The following TMED8 variants were observed in gnomAD, a reference collection of about 807,000 sequenced individuals.
TMED8 encodes the protein transmembrane p24 trafficking protein family member 8.
Under a neutral mutation model 32.7 loss-of-function variants are expected in TMED8, and 15 were observed. The observed-to-expected ratio is 0.46, with a 90% CI of 0.31 to 0.71. The LOEUF (loss-of-function observed/expected upper bound fraction) is 0.71. Among genes scored for constraint, TMED8 ranks in the 30% least tolerant of loss-of-function variants. The pLI is 0.06. For missense variants in TMED8, 390 were observed against 423.9 expected (o/e 0.92, Z 0.70); for synonymous variants, 147 against 161.4 (o/e 0.91, Z 0.68).
chr14:77,343,938 G>A (rs2139603530), intron 3 of TMED8, 115 bp from the exon 4 acceptor site: 2 of 1,073,458 alleles, frequency 1.9e-6, no homozygotes, highest in Non-Finnish European at 1.3e-6. Flanking sequence ...CCCACTCAAA[G>A]CTTAATGTAC....
At position 77,338,820 on chromosome 14, in the gene TMED8, A is replaced by G. The variant is rs1297130533; in HGVS notation, c.*2951T>C. The stretch of plus-strand genomic sequence containing the variant: ...TGTTTGCTGAAATTTTTTCACAATA[A>G]AACACTGGGGGAAAAGAAATCAATA... On this transcript the variant is annotated 3_prime_UTR_variant, in exon 6 of 6. Transcript: ENST00000216468. The G allele has an allele frequency of 6.6e-6, 1 of 152,250 alleles. No individual in the cohort carries two copies. The highest frequency in any genetic ancestry group is 1.5e-5 in the Non-Finnish European group (1 of 68,046). 9.4% of individuals were successfully genotyped at this position (152,250 alleles called of 1,614,324 possible).
chr14:77,362,543 G>A (rs1893462973), intron 1 of TMED8, among the ~76,000 whole-genome samples: 1 of 152,030 alleles, frequency 6.6e-6, no homozygotes. Context: ...AAATCACAAA[G>A]GAAAACAAGA....
At chr14:77,358,286 T>C (rs1566690095) in intron 1 of TMED8, among the ~76,000 whole-genome samples, 1 of 151,952 alleles carries the variant, frequency 6.6e-6, no homozygotes, top group Non-Finnish European at 1.5e-5. Context: ...CAAATACTTC[T>C]AATTCAGATT....
At chr14:77,362,363 C>T (rs559869485) in intron 1 of TMED8, among the ~76,000 whole-genome samples, 6 of 152,212 alleles carry the variant, frequency 3.9e-5, no homozygotes, top group East Asian at 1.9e-4. Context: ...GTCTTTATTA[C>T]GTTGAGTAAA....
intron 1 of TMED8, among the ~76,000 whole-genome samples, chr14:77,364,841 G>A (rs184494069): frequency 7.9e-5 from 12 of 152,188 alleles, no homozygotes; most frequent in Admixed American, 1.3e-4. Context: ...GTGGATATCC[G>A]AGTGTAACCA....
intron 1 of TMED8, among the ~76,000 whole-genome samples, chr14:77,372,952 ATTTTTTTTTTTT>A (rs1160815178): frequency 1.4e-4 from 2 of 14,316 alleles, no homozygotes; most frequent in Non-Finnish European, 2.2e-4. Flanking sequence ...ATATATATAT[ATTTTTTTTTTTT>A]TTTTTTTTTT....
chr14:77,367,587 T>C (rs191613968), intron 1 of TMED8, among the ~76,000 whole-genome samples: 3 of 152,340 alleles, frequency 2.0e-5, no homozygotes, highest in African/African-American at 4.8e-5. Flanking sequence ...AAGAATGTTT[T>C]CTTTTGGGTC....
chr14:77,351,411 ATTT>A (rs1181134385), intron 2 of TMED8, among the ~76,000 whole-genome samples: 38 of 102,120 alleles, frequency 3.7e-4, no homozygotes, highest in Admixed American at 1.2e-3. Flanking sequence ...CGCCCCGCTA[ATTT>A]TTTTTTTTTT....
chr14:77,359,755 T>C (rs1279667614), intron 1 of TMED8: 1 of 246,434 alleles, frequency 4.1e-6, no homozygotes, highest in Admixed American at 5.6e-5. Context: ...GATGTTTTGA[T>C]AAATGGAGTA....
intron 1 of TMED8, among the ~76,000 whole-genome samples, chr14:77,373,667 C>A (rs564371740): frequency 6.6e-6 from 1 of 152,284 alleles, no homozygotes; most frequent in East Asian, 1.9e-4. Flanking sequence ...CACCAAAAAA[C>A]CAAAACCCTT....
intron 1 of TMED8, among the ~76,000 whole-genome samples, chr14:77,365,006 C>T (rs72681278): frequency 0.018 from 2,720 of 152,262 alleles, 46 homozygotes; most frequent in Middle Eastern, 0.078. Context: ...AAATCAGTTG[C>T]CTTTTTTGTT....
intron 5 of TMED8, among the ~76,000 whole-genome samples, chr14:77,342,607 C>CG (rs1892932218): frequency 6.6e-6 from 1 of 152,136 alleles, no homozygotes; most frequent in Admixed American, 6.5e-5. Context: ...CCTACTCTTA[C>CG]GTTATCTGAA....
Position 77,337,973 on chromosome 14 carries a change from C to T in TMED8, c.*3798G>A, listed in dbSNP as rs1250515175. 3 of 152,318 alleles carry T rather than the reference C, an allele frequency of 2.0e-5. No individual in the cohort carries two copies. Among genetic ancestry groups the T allele is most frequent in the Non-Finnish European group, 4.4e-5 (3 of 68,034 alleles). The allele number at this position is 152,318 out of a possible 1,614,324, so 9.4% of individuals were successfully genotyped here. On this transcript the variant is annotated 3_prime_UTR_variant, in exon 6 of 6. Coordinates refer to ENST00000216468, the MANE Select transcript of TMED8 (RefSeq NM_213601.3). ...CCCAACCGGCTGAATGGACCCCTGT[C>T]TTGGCCCAGGGGATCTCAAAGGAAC... is the stretch of plus-strand genomic sequence containing the variant.
In TMED8 at chr14:77,336,896, C is replaced by T. The variant is rs2139594302; in HGVS notation, c.*4875G>A. ...TTTAGAGTCTGGGTTTCAACTAATT[C>T]TCTCAAAGAGGGACTGAGCAGGACT... On this transcript the variant is annotated 3_prime_UTR_variant, in exon 6 of 6. Transcript: ENST00000216468. 6.6e-6 allele frequency: 1 copy of T among 152,304 alleles called. No individual in the cohort carries two copies. The highest frequency in any genetic ancestry group is 1.5e-5 in the Non-Finnish European group (1 of 68,024). 9.4% of individuals were successfully genotyped at this position (152,304 alleles called of 1,614,324 possible).
chr14:77,362,347 T>C (rs1202676298), intron 1 of TMED8, among the ~76,000 whole-genome samples: 1 of 152,206 alleles, frequency 6.6e-6, no homozygotes, highest in Non-Finnish European at 1.5e-5. Context: ...GGGTTTTTCA[T>C]AAGCAGTCTT....
intron 1 of TMED8, among the ~76,000 whole-genome samples, chr14:77,353,505 C>T (rs1160159736): frequency 1.3e-5 from 2 of 148,614 alleles, no homozygotes; most frequent in Admixed American, 1.4e-4. Flanking sequence ...TGCAGTGACA[C>T]AATTATGACT....
At position 77,376,822 on chromosome 14, in the gene TMED8, A is replaced by C. The variant is rs988799274; in HGVS notation, c.118+114T>G. On this transcript the variant is annotated intron_variant, in intron 1 of 5. Coordinates refer to ENST00000216468, the MANE Select transcript of TMED8 (RefSeq NM_213601.3). This position sits in a 1 kb window ranked among gnomAD's most constrained non-coding sequence, Gnocchi z 4.0. ...GGCCCCGCGCGCGAAGGGGCTGCCG[A>C]GGTGGGTCCGCTCCGCGGGGAAGCC... is the stretch of plus-strand genomic sequence containing the variant. The C allele has an allele frequency of 7.1e-6, 4 of 566,354 alleles. No homozygotes were observed. The African/African-American group carries it at 7.9e-5, about 11-fold the overall frequency. 35.1% of individuals were successfully genotyped at this position (566,354 alleles called of 1,614,324 possible).
chr14:77,368,985 G>A (rs370823333), intron 1 of TMED8, among the ~76,000 whole-genome samples: 1 of 152,072 alleles, frequency 6.6e-6, no homozygotes, highest in African/African-American at 2.4e-5. Context: ...ATTGAGATCC[G>A]AAAATATTCT....
chr14:77,375,419 A>G (rs1056294549), intron 1 of TMED8, among the ~76,000 whole-genome samples: 6 of 152,198 alleles, frequency 3.9e-5, no homozygotes, highest in Non-Finnish European at 1.5e-5. Flanking sequence ...AAGTAAAAAC[A>G]TGCTTAATTT....
Sources: allele counts gnomAD v4.1 joint callset (sites outside exome capture counted in the v4.1 genomes callset), GRCh38; gene constraint gnomAD v4.1.1; non-coding constraint Gnocchi (gnomAD v3.1); transcripts MANE v1.5; gene names NCBI Gene and HGNC (gene_info 2026-07-23, HGNC 2026-07-21).